The following NCOA7 variants were observed in gnomAD, a reference collection of about 807,000 sequenced individuals.
NCOA7 encodes the protein nuclear receptor coactivator 7, also known as 140 kDa estrogen receptor-associated protein.
Under a neutral mutation model 104.3 loss-of-function variants are expected in NCOA7, and 45 were observed. The ratio of observed to expected loss-of-function variants is 0.43; its 90% CI spans 0.34 to 0.55. The LOEUF (loss-of-function observed/expected upper bound fraction) is 0.55, where lower values mean the gene tolerates loss of function less well. Ranked by LOEUF, NCOA7 falls within the 20% of genes least tolerant of loss-of-function variation. The probability of loss-of-function intolerance (pLI) is 0.02; values close to 1 mark genes in which losing one functional copy is unlikely to be tolerated. For synonymous variants in NCOA7, 398 were observed against 402.3 expected (o/e 0.99, Z 0.13); for missense variants, 1,041 against 1,119.7 (o/e 0.93, Z 1.00).
At chr6:125,928,097 G>GATA in intron 14 of NCOA7, 77 bp from the exon 15 acceptor site, 1 of 1,332,052 alleles carries the variant, frequency 7.5e-7, no homozygotes, top group Non-Finnish European at 1.1e-6. Flanking sequence ...TTTACATATA[G>GATA]ATACTATTTC....
intron 1 of NCOA7, among the ~76,000 whole-genome samples, chr6:125,813,849 A>G (rs1453535631): frequency 6.6e-6 from 1 of 152,184 alleles, no homozygotes; most frequent in Non-Finnish European, 1.5e-5. Context: ...TGGCAAATAG[A>G]AATTATATAT....
chr6:125,889,898 A>AGATT lies in NCOA7; in HGVS notation c.1844_1845insGATT (p.Asp615GlufsTer12), dbSNP rs1784509416. The AGATT allele has an allele frequency of 1.2e-6, 2 of 1,606,802 alleles. No homozygotes were observed. The highest frequency in any genetic ancestry group is 2.7e-5 in the African/African-American group (2 of 74,514). Reference sequence around the variant, plus strand: ...GACTCCTCTTTGGAATCTACTCTGGACAACAGCTGTCAAGGTGCACAAATG... The same window carrying AGATT: ...GACTCCTCTTTGGAATCTACTCTGGAGATTCAACAGCTGTCAAGGTGCACAAATG... On this transcript the variant is annotated frameshift_variant, in exon 9 of 16. Transcript: ENST00000392477. LOFTEE classifies it high-confidence loss of function.
chr6:125,864,545 C>T (rs1421746692), intron 3 of NCOA7, among the ~76,000 whole-genome samples: 4 of 128,096 alleles, frequency 3.1e-5, no homozygotes, highest in African/African-American at 1.3e-4. Context: ...AATCCTACTT[C>T]CCAACGTGAT....
chr6:125,867,318 A>C (rs756467586), intron 3 of NCOA7, among the ~76,000 whole-genome samples: 2 of 152,194 alleles, frequency 1.3e-5, no homozygotes, highest in Non-Finnish European at 2.9e-5. Flanking sequence ...AAAACTTTTC[A>C]TCTGTTGCTT....
intron 1 of NCOA7, among the ~76,000 whole-genome samples, chr6:125,794,635 A>G (rs1319519336): frequency 6.6e-6 from 1 of 152,220 alleles, no homozygotes; most frequent in Non-Finnish European, 1.5e-5. Context: ...TTTTTGATGA[A>G]CAAGTTTAAT....
In NCOA7 at chr6:125,918,196, C is replaced by T. The variant is rs565138484; in HGVS notation, c.2244+2716C>T. Among the ~76,000 whole-genome samples, 3 of 152,178 alleles carry T rather than the reference C, an allele frequency of 2.0e-5. No homozygotes were observed. In the East Asian group the frequency reaches 5.8e-4, roughly 29 times the overall value. On this transcript the variant is annotated intron_variant, in intron 11 of 15. Coordinates refer to ENST00000392477, the MANE Select transcript of NCOA7 (RefSeq NM_181782.5). ...CTTTTACAATCACATGGAATGGCAC[C>T]CATTTATTTAGAATTGTTTCTCTAC... is the stretch of plus-strand genomic sequence containing the variant.
chr6:125,872,873 T>G (rs1305881283), intron 3 of NCOA7, among the ~76,000 whole-genome samples: 3 of 152,204 alleles, frequency 2.0e-5, no homozygotes, highest in Non-Finnish European at 4.4e-5. Flanking sequence ...GGCAGGGAGA[T>G]CATTTTTTAT....
intron 10 of NCOA7, chr6:125,913,525 C>A: frequency 2.1e-6 from 1 of 483,016 alleles, no homozygotes; most frequent in Non-Finnish European, 2.7e-6. Flanking sequence ...GAAACATAAC[C>A]ATCATACCCA....
At chr6:125,902,517 CA>C in intron 10 of NCOA7, among the ~76,000 whole-genome samples, 1 of 150,958 alleles carries the variant, frequency 6.6e-6, no homozygotes, top group East Asian at 1.9e-4. Flanking sequence ...GGAAGGGAAG[CA>C]ACAGTAAATT....
intron 3 of NCOA7, among the ~76,000 whole-genome samples, chr6:125,871,119 C>G (rs1244541366): frequency 2.0e-5 from 3 of 152,188 alleles, no homozygotes; most frequent in Non-Finnish European, 4.4e-5. Context: ...GCAGTAGATA[C>G]TTTTGCGTCA....
At chr6:125,832,905 G>GTCAC (rs1400387076) in intron 2 of NCOA7, among the ~76,000 whole-genome samples, 4 of 152,164 alleles carry the variant, frequency 2.6e-5, no homozygotes, top group African/African-American at 9.7e-5. Flanking sequence ...ACACTGTTGT[G>GTCAC]TCACAGCATG....
intron 10 of NCOA7, among the ~76,000 whole-genome samples, chr6:125,904,643 T>C (rs1229695236): frequency 6.6e-6 from 1 of 152,154 alleles, no homozygotes. Flanking sequence ...TTCACTGGGC[T>C]TACCTTTGCC....
intron 1 of NCOA7, among the ~76,000 whole-genome samples, chr6:125,805,732 T>C (rs1351702871): frequency 2.6e-5 from 4 of 152,236 alleles, no homozygotes; most frequent in African/African-American, 9.6e-5. Flanking sequence ...TTTCCTGTCA[T>C]CTTTGTATTC....
chr6:125,804,185 G>A (rs974129028), intron 1 of NCOA7, among the ~76,000 whole-genome samples: 7 of 152,142 alleles, frequency 4.6e-5, no homozygotes, highest in African/African-American at 1.4e-4. Context: ...AAAATCAAAC[G>A]GGCCAGAGAG....
intron 2 of NCOA7, among the ~76,000 whole-genome samples, chr6:125,816,949 C>T (rs752137737): frequency 4.6e-5 from 7 of 152,202 alleles, no homozygotes; most frequent in Admixed American, 6.5e-5. Flanking sequence ...CTGCCTGCCT[C>T]CTCTGACAAC....
intron 1 of NCOA7, among the ~76,000 whole-genome samples, chr6:125,799,363 G>A (rs1775662786): frequency 6.6e-6 from 1 of 151,698 alleles, no homozygotes. Flanking sequence ...TCTATTGTAT[G>A]CTGACTTCAG....
At chr6:125,871,681 T>A (rs1782919944) in intron 3 of NCOA7, among the ~76,000 whole-genome samples, 1 of 152,134 alleles carries the variant, frequency 6.6e-6, no homozygotes, top group Non-Finnish European at 1.5e-5. Context: ...TCATCTGTAC[T>A]GGAAGGTTTA....
chr6:125,845,283 T>G (rs1309621898), intron 2 of NCOA7, among the ~76,000 whole-genome samples: 1 of 151,816 alleles, frequency 6.6e-6, no homozygotes, highest in Non-Finnish European at 1.5e-5. Flanking sequence ...AAAAAAAAAG[T>G]GATGTGGGAT....
chr6:125,795,208 G>A (rs903353487), intron 1 of NCOA7, among the ~76,000 whole-genome samples: 3 of 152,146 alleles, frequency 2.0e-5, no homozygotes, highest in Non-Finnish European at 4.4e-5. Flanking sequence ...GTACAGTCTG[G>A]TAGCCTTTGG....
Sources: gnomAD v4.1 joint callset for allele counts (sites outside exome capture counted in the v4.1 genomes callset) on GRCh38, gnomAD v4.1.1 for gene constraint, MANE v1.5 for transcripts, NCBI Gene and HGNC (gene_info 2026-07-23, HGNC 2026-07-21) for gene names.